STARD9: variants seen among roughly 807,000 people sequenced by gnomAD.
STARD9 encodes the protein stAR-related lipid transfer protein 9.
A neutral mutation model predicts 399.8 loss-of-function variants in STARD9; 346 were observed. The ratio of observed to expected loss-of-function variants is 0.87; its 90% CI spans 0.79 to 0.95. The LOEUF (loss-of-function observed/expected upper bound fraction) is 0.95. STARD9 is among the 40% of genes least tolerant of loss of function. STARD9 has a pLI of 0.00. For missense variants in STARD9, 5,832 were observed against 5,667.5 expected, an observed-to-expected ratio of 1.03 and a Z score of -0.93; for synonymous variants, 2,203 against 2,143.5, an observed-to-expected ratio of 1.03 and a Z score of -0.77.
intron 3 of STARD9, among the ~76,000 whole-genome samples, chr15:42,594,060 TGAGA>T (rs761676703): frequency 1.7e-4 from 26 of 151,994 alleles, no homozygotes; most frequent in Non-Finnish European, 3.1e-4. Flanking sequence ...CAAGGAGCCC[TGAGA>T]GAGAGTGAGC....
intron 22 of STARD9, among the ~76,000 whole-genome samples, chr15:42,682,857 C>T (rs1167277757): frequency 1.3e-5 from 2 of 151,904 alleles, no homozygotes; most frequent in Non-Finnish European, 2.9e-5. Context: ...CACTTTTCGT[C>T]TGTTCCTTAG....
At chr15:42,639,859 A>T (rs2059498415) in intron 7 of STARD9, among the ~76,000 whole-genome samples, 1 of 151,346 alleles carries the variant, frequency 6.6e-6, no homozygotes, top group African/African-American at 2.4e-5. Context: ...GCAAGACGCC[A>T]TCTCAAAAAA....
At chr15:42,580,474 G>A (rs2058143939) in intron 1 of STARD9, among the ~76,000 whole-genome samples, 1 of 152,106 alleles carries the variant, frequency 6.6e-6, no homozygotes, top group African/African-American at 2.4e-5. Flanking sequence ...TTGTAGGTTG[G>A]TATTTGATTT....
chr15:42,683,374 C>A (rs1431255750), intron 22 of STARD9, among the ~76,000 whole-genome samples: 3 of 152,182 alleles, frequency 2.0e-5, no homozygotes, highest in African/African-American at 7.2e-5. Flanking sequence ...TACACACTTG[C>A]CTACCTTCCC....
At chr15:42,589,202 CTTTTT>C (rs2058346035) in intron 3 of STARD9, among the ~76,000 whole-genome samples, 1 of 151,568 alleles carries the variant, frequency 6.6e-6, no homozygotes, top group African/African-American at 2.4e-5. Flanking sequence ...ACCTTTTTTT[CTTTTT>C]TAACAATTAT....
At chr15:42,602,919 G>A (rs1482299638) in intron 3 of STARD9, among the ~76,000 whole-genome samples, 3 of 152,162 alleles carry the variant, frequency 2.0e-5, no homozygotes, top group Admixed American at 2.0e-4. Context: ...TTTCAGTTTA[G>A]TTCTGGGAAG....
rs767582946 is a variant in STARD9 at position 42,675,885 on chromosome 15, C to T, written c.1784C>T (p.Ala595Val). ...LRQRRQVGEA[A>V]AGRGSLEWLD... Reference sequence around the variant, plus strand: ...TCCTTGTTCAAGGTTGGAGAGGCTGCTGCTGGTCGTGGCTCGTTGGAGTGG... The same window carrying T: ...TCCTTGTTCAAGGTTGGAGAGGCTGTTGCTGGTCGTGGCTCGTTGGAGTGG... The change falls in exon 20 of 33, where the codon GCT becomes GTT. Residue 595 changes from alanine (A) to valine (V), a missense_variant. Ala to Val is a moderately conservative substitution (Grantham distance 64, BLOSUM62 0). Around this residue, in one of 2 missense-constraint regions of STARD9, gnomAD observed 5,828 missense variants for 5,651.1 expected, o/e 1.03. Coordinates refer to ENST00000290607, the MANE Select transcript of STARD9 (RefSeq NM_020759.3). 1.1e-5 allele frequency: 17 copies of T among 1,537,118 alleles called. No homozygotes were observed. Among genetic ancestry groups the T allele is most frequent in the African/African-American group, 2.7e-5 (2 of 73,054 alleles).
At chr15:42,707,249 C>A (rs2061108371) in intron 26 of STARD9, among the ~76,000 whole-genome samples, 2 of 152,086 alleles carry the variant, frequency 1.3e-5, no homozygotes, top group Admixed American at 6.6e-5. Context: ...ATTACAGGTT[C>A]CTATGACTCA....
rs1392339379 is a variant in STARD9 at position 42,690,136 on chromosome 15, A to G, written c.8558A>G (p.Gln2853Arg). The change falls in exon 23 of 33, where the codon CAA becomes CGA. Residue 2853 changes from glutamine (Q) to arginine (R), a missense_variant. Physicochemically the swap from Gln to Arg is conservative, Grantham distance 43. Transcript: ENST00000290607. ...GAAGAAGGTAGGGCAAGTCCCAAAC[A>G]AGATACCATTCTGCCTGGAGCTCTG... Reference protein sequence around the residue: ...GFEEGRASPKQDTILPGALTR... With the variant: ...GFEEGRASPKRDTILPGALTR... 1 of 1,537,828 alleles carries G rather than the reference A, an allele frequency of 6.5e-7. No homozygotes were observed. The highest frequency in any genetic ancestry group is 2.0e-5 in the Admixed American group (1 of 51,014).
Position 42,681,468 on chromosome 15 carries a change from G to A in STARD9, c.1921G>A (p.Asp641Asn). The A allele has an allele frequency of 6.5e-7, 1 of 1,537,192 alleles. No individual in the cohort carries two copies. Among genetic ancestry groups the A allele is most frequent in the Non-Finnish European group, 8.7e-7 (1 of 1,146,884 alleles). The change falls in exon 21 of 33, where the codon GAT (aspartate) becomes AAT (asparagine). Residue 641 changes from aspartate (D) to asparagine (N), a missense_variant. This residue lies in a region of STARD9 where 5,828 missense variants were observed against 5,651.1 expected (regional missense o/e 1.03). Transcript: ENST00000290607. ...QCDEDHQTPR[D>N]GETSHRAQIQ... ...TGACGAGGACCATCAGACACCGAGG[G>A]ATGGAGAGACATCCCACAGGGCCCA...
chr15:42,648,165 T>TTTTG (rs891040694), intron 7 of STARD9, among the ~76,000 whole-genome samples: 4 of 152,186 alleles, frequency 2.6e-5, no homozygotes, highest in Admixed American at 1.3e-4. Flanking sequence ...TCTTTTGGCT[T>TTTTG]TTTGTTTGTT....
rs776128430 is a variant in STARD9 at position 42,585,507 on chromosome 15, A to G, written c.118-14A>G. On this transcript the variant is annotated splice_polypyrimidine_tract_variant and intron_variant, in intron 2 of 32. Transcript: ENST00000290607. Reference sequence around the variant, plus strand: ...TATGATAGAAAAGACACTGGATCCTATGTTTGATTTTAGGTGGACAATCGA... The same window carrying G: ...TATGATAGAAAAGACACTGGATCCTGTGTTTGATTTTAGGTGGACAATCGA... 2.9e-5 allele frequency: 44 copies of G among 1,512,520 alleles called. 1 individual carries two copies. The highest frequency in any genetic ancestry group is 3.3e-4 in the Middle Eastern group (2 of 5,984). 93.7% of individuals were successfully genotyped at this position (1,512,520 alleles called of 1,614,324 possible).
At chr15:42,640,761 A>C (rs958960064) in intron 7 of STARD9, among the ~76,000 whole-genome samples, 4 of 136,134 alleles carry the variant, frequency 2.9e-5, no homozygotes, top group Admixed American at 2.6e-4. Context: ...TGGAGGTTGC[A>C]GTGAGCCAAG....
chr15:42,686,243 G>T lies in STARD9; in HGVS notation c.4665G>T (p.Arg1555Ser), dbSNP rs188487049. The change falls in exon 23 of 33, where the codon AGG (arginine) becomes AGT (serine). Residue 1555 changes from arginine (R) to serine (S), a missense_variant. By Grantham distance (110) the Arg-to-Ser change is moderately radical. This residue lies in a region of STARD9 where 5,828 missense variants were observed against 5,651.1 expected (regional missense o/e 1.03). Coordinates refer to ENST00000290607, the MANE Select transcript of STARD9 (RefSeq NM_020759.3). ...TTCCAGTCCATCTGTCCAGAATCAG[G>T]CGTTTGAGGGCAGAGAAAGAACAGG... The part of the protein sequence containing the change: ...NNFPVHLSRI[R>S]RLRAEKEQDS... 22 of 1,537,722 alleles carry T rather than the reference G, an allele frequency of 1.4e-5. No homozygotes were observed. The Admixed American group carries it at 4.3e-4, about 30-fold the overall frequency.
At chr15:42,624,881 A>T (rs1033310958) in intron 3 of STARD9, among the ~76,000 whole-genome samples, 1 of 152,158 alleles carries the variant, frequency 6.6e-6, no homozygotes, top group Non-Finnish European at 1.5e-5. Context: ...GTCAATAAAG[A>T]TGTTATCTGT....
chr15:42,673,983 A>G (rs758113070), intron 16 of STARD9: 2 of 456,710 alleles, frequency 4.4e-6, no homozygotes. Flanking sequence ...CTGTGTTTCC[A>G]TAAATCTTCA....
chr15:42,661,258 T>C (rs1355602391), intron 10 of STARD9, 33 bp downstream of exon 10: 1 of 1,407,072 alleles, frequency 7.1e-7, no homozygotes, highest in Non-Finnish European at 9.7e-7. Context: ...GGGGAATTAC[T>C]CTTGTTCTTG....
rs2060818763 is a variant in STARD9, at chr15:42,695,298, A to G, written c.13121A>G (p.Gln4374Arg). 6.5e-7 allele frequency: 1 copy of G among 1,535,922 alleles called. No individual in the cohort carries two copies. The highest frequency in any genetic ancestry group is 8.7e-7 in the Non-Finnish European group (1 of 1,146,006). Residue 4374 changes from glutamine (Q) to arginine (R), a missense_variant, in exon 25 of 33, where the codon CAG (glutamine) becomes CGG (arginine). Physicochemically the swap from Gln to Arg is conservative, Grantham distance 43. Coordinates refer to ENST00000290607, the MANE Select transcript of STARD9 (RefSeq NM_020759.3). Reference protein sequence around the residue: ...RTEQEKLRIHQKIISQLLKEE... With the variant: ...RTEQEKLRIHRKIISQLLKEE... Reference sequence around the variant, plus strand: ...GAACAAGAGAAGCTGAGAATCCACCAGAAGATCATTTCCCAGCTATTGAAG... The same window carrying G: ...GAACAAGAGAAGCTGAGAATCCACCGGAAGATCATTTCCCAGCTATTGAAG...
intron 3 of STARD9, among the ~76,000 whole-genome samples, chr15:42,616,182 T>C (rs1362707250): frequency 6.6e-6 from 1 of 152,144 alleles, no homozygotes. Context: ...ATATGTGCAA[T>C]GAAAAGGTTA....
Sources: allele counts gnomAD v4.1 joint callset (sites outside exome capture counted in the v4.1 genomes callset), GRCh38; gene constraint gnomAD v4.1.1; regional missense constraint gnomAD v4.1.1; transcripts MANE v1.5; gene names NCBI Gene and HGNC (gene_info 2026-07-23, HGNC 2026-07-21).